The following GAA variants were observed in gnomAD, a reference collection of about 807,000 sequenced individuals.
The protein encoded by GAA is alpha glucosidase.
A neutral mutation model predicts 103.9 loss-of-function variants in GAA; 88 were observed. The ratio of observed to expected loss-of-function variants is 0.85; its 90% CI spans 0.71 to 1.01. The LOEUF is 1.01. GAA is among the 50% of genes least tolerant of loss of function. The pLI is 0.00. For synonymous variants in GAA, 572 were observed against 563.1 expected (o/e 1.02, Z -0.22); for missense variants, 1,350 against 1,305.3 (o/e 1.03, Z -0.53).
chr17:80,114,575 C>T (rs527826067), intron 15 of GAA, among the ~76,000 whole-genome samples: 3 of 152,224 alleles, frequency 2.0e-5, no homozygotes, highest in South Asian at 2.1e-4. Flanking sequence ...TGCTGTTACA[C>T]GTCTGTATCC....
chr17:80,103,967 A>G (rs191776245), intron 1 of GAA, among the ~76,000 whole-genome samples: 3 of 152,298 alleles, frequency 2.0e-5, no homozygotes, highest in Non-Finnish European at 4.4e-5. Flanking sequence ...CCGCACCTTT[A>G]TGCAGAAGTG....
intron 8 of GAA, among the ~76,000 whole-genome samples, chr17:80,109,365 C>T (rs1420625656): frequency 6.6e-6 from 1 of 152,248 alleles, no homozygotes; most frequent in Non-Finnish European, 1.5e-5. Context: ...AGAGGCCCTT[C>T]CCTGAGCCAG....
intron 17 of GAA, 103 bp downstream of exon 17, chr17:80,117,852 G>A (rs994204256): frequency 1.6e-5 from 19 of 1,220,754 alleles, no homozygotes; most frequent in Middle Eastern, 2.8e-4. Flanking sequence ...GGGCTTCTGA[G>A]GGGCCGCCCC....
In GAA at chr17:80,119,682, G is replaced by T. The variant is rs1306657352; in HGVS notation, c.*351G>T. 4 of 357,876 alleles carry T rather than the reference G, an allele frequency of 1.1e-5. No individual in the cohort carries two copies. The highest frequency in any genetic ancestry group is 2.2e-5 in the Non-Finnish European group (4 of 183,474). The allele number at this position is 357,876 out of a possible 1,614,324, so 22.2% of individuals were successfully genotyped here. On this transcript the variant is annotated 3_prime_UTR_variant, in exon 20 of 20. Coordinates refer to ENST00000302262, the MANE Select transcript of GAA (RefSeq NM_000152.5). The stretch of plus-strand genomic sequence containing the variant: ...CCAGCACCGGAGAAGGGGGTGCTCA[G>T]GTGGAGGTGTGGGGTATGCACCTGA...
rs1005312609 is a variant in GAA at position 80,101,631 on chromosome 17, C to G, written c.-292C>G. On this transcript the variant is annotated 5_prime_UTR_variant, in exon 1 of 20. Transcript: ENST00000302262. ...CAGGGCGCGCGTGCGCGGAGGTGAG[C>G]CGGGCCGGGGCTGCGGGGCTTCCCT... 6.6e-6 allele frequency: 1 copy of G among 151,400 alleles called. No individual in the cohort carries two copies. The highest frequency in any genetic ancestry group is 1.9e-4 in the East Asian group (1 of 5,178). The allele number at this position is 151,400 out of a possible 1,614,324, so 9.4% of individuals were successfully genotyped here. A position where few individuals can be genotyped will look rare whatever the true frequency, so the allele number is the denominator to read the frequency against.
rs199748889 is a variant in GAA, at chr17:80,110,005, C to T, written c.1387C>T (p.Arg463Trp). The T allele has an allele frequency of 8.7e-6, 14 of 1,613,124 alleles. No homozygotes were observed. Among genetic ancestry groups the T allele is most frequent in the African/African-American group, 1.3e-5 (1 of 75,040 alleles). The part of the protein sequence containing the change: ...GSYRPYDEGL[R>W]RGVFITNETG... ...CTACAGGCCCTACGACGAGGGTCTG[C>T]GGAGGGGGGTTTTCATCACCAACGA... Residue 463 changes from arginine (R) to tryptophan (W), a missense_variant, in exon 9 of 20, where the codon CGG (arginine) becomes TGG (tryptophan). Arg to Trp is a moderately radical substitution (Grantham distance 101, BLOSUM62 -3). Transcript: ENST00000302262.
intron 18 of GAA, 139 bp from the exon 19 acceptor site, chr17:80,118,514 C>G: frequency 7.3e-7 from 1 of 1,377,352 alleles, no homozygotes; most frequent in Non-Finnish European, 1.0e-6. Context: ...GGGCCGTGCA[C>G]TCTGCCCTTT....
At chr17:80,115,342 T>C (rs1049348473) in intron 15 of GAA, among the ~76,000 whole-genome samples, 1 of 152,134 alleles carries the variant, frequency 6.6e-6, no homozygotes, top group African/African-American at 2.4e-5. Flanking sequence ...TTCCACCAGT[T>C]CTCATCTGCT....
At chr17:80,113,537 A>G (rs1014779368) in intron 15 of GAA, among the ~76,000 whole-genome samples, 171 bp downstream of exon 15, 2 of 152,180 alleles carry the variant, frequency 1.3e-5, no homozygotes, top group African/African-American at 4.8e-5. Context: ...AAGAAAACCC[A>G]GTAATATCCC....
rs542346704 is a variant in GAA, at chr17:80,109,099, G to A, written c.1326+271G>A. Among the ~76,000 whole-genome samples, 55 of 152,322 alleles carry A rather than the reference G, an allele frequency of 3.6e-4. No homozygotes were observed. In the South Asian group the frequency reaches 6.4e-3, roughly 18 times the overall value. ...ACTGCCTTAAAGCAAAAGGCCAGGG[G>A]CATGATAAACTGATGTCACCTGGTC... On this transcript the variant is annotated intron_variant, in intron 8 of 19. Coordinates refer to ENST00000302262, the MANE Select transcript of GAA (RefSeq NM_000152.5).
rs775612060 is a variant in GAA at position 80,109,954 on chromosome 17, A to G, written c.1336A>G (p.Ile446Val). Residue 446 changes from isoleucine (I) to valine (V), a missense_variant, in exon 9 of 20, where the codon ATC becomes GTC. By Grantham distance (29) the Ile-to-Val change is conservative. Transcript: ENST00000302262. ...GTTTCCCTCTTCCCAGGATCCTGCC[A>G]TCAGCAGCTCGGGCCCTGCCGGGAG... is the stretch of plus-strand genomic sequence containing the variant. ...RRYMMIVDPA[I>V]SSSGPAGSYR... The G allele has an allele frequency of 6.2e-7, 1 of 1,613,224 alleles. No individual in the cohort carries two copies. Among genetic ancestry groups the G allele is most frequent in the Non-Finnish European group, 8.5e-7 (1 of 1,179,800 alleles).
chr17:80,114,050 T>G (rs1598587852), intron 15 of GAA, among the ~76,000 whole-genome samples: 1 of 97,798 alleles, frequency 1.0e-5, no homozygotes, highest in Non-Finnish European at 2.1e-5. Context: ...CAGGAAAAGA[T>G]AAGTGAATGT....
In GAA at chr17:80,113,319, C is replaced by T. The variant is rs779462990; in HGVS notation, c.2142C>T (p.His714=). The T allele has an allele frequency of 1.9e-5, 30 of 1,599,216 alleles. No homozygotes were observed. The highest frequency in any genetic ancestry group is 1.8e-5 in the Non-Finnish European group (21 of 1,173,094). Reference sequence around the variant, plus strand: ...TCCCCCACCTCTACACACTGTTCCACCAGGCCCACGTCGCGGGGGAGACCG... The same window carrying T: ...TCCCCCACCTCTACACACTGTTCCATCAGGCCCACGTCGCGGGGGAGACCG... ...ALLPHLYTLF[H]QAHVAGETVA... is the part of the protein sequence containing the mutation. The change falls in exon 15 of 20, where the codon CAC becomes CAT. Residue 714 remains histidine (H), a synonymous_variant. Transcript: ENST00000302262.
chr17:80,110,070 C>T lies in GAA; in HGVS notation c.1437+15C>T, dbSNP rs2143867420. The T allele has an allele frequency of 6.9e-6, 11 of 1,603,756 alleles. No individual in the cohort carries two copies. The highest frequency in any genetic ancestry group is 1.7e-5 in the Admixed American group (1 of 59,990). ...TGATTGGGAAGGTAGGGCGAGGGTC[C>T]AGGGGACGGGGGTTAGAAAGCAGAG... On this transcript the variant is annotated intron_variant, in intron 9 of 19. Coordinates refer to ENST00000302262, the MANE Select transcript of GAA (RefSeq NM_000152.5).
Position 80,112,628 on chromosome 17 carries a change from C to T in GAA, c.1805C>T (p.Thr602Ile). 6.2e-7 allele frequency: 1 copy of T among 1,613,030 alleles called. No homozygotes were observed. Among genetic ancestry groups the T allele is most frequent in the Non-Finnish European group, 8.5e-7 (1 of 1,179,978 alleles). The change falls in exon 13 of 20, where the codon ACC becomes ATC. Residue 602 changes from threonine to isoleucine, a missense_variant. Transcript: ENST00000302262. ...CGCCCATTTGTGATCTCCCGCTCGA[C>T]CTTTGCTGGCCACGGCCGATACGCC... ...GTRPFVISRSTFAGHGRYAGH... is the reference protein window; with the variant it reads ...GTRPFVISRSIFAGHGRYAGH...
Position 80,119,373 on chromosome 17 carries a change from C to T in GAA, c.*42C>T. 1.9e-6 allele frequency: 3 copies of T among 1,557,994 alleles called. No homozygotes were observed. Among genetic ancestry groups the T allele is most frequent in the Non-Finnish European group, 2.7e-6 (3 of 1,129,232 alleles). ...AGTCTCTCCAGAGGGAGGCTGGTTC[C>T]CCAGGGAAGCAGAGCCTGTGTGCGG... On this transcript the variant is annotated 3_prime_UTR_variant, in exon 20 of 20. Transcript: ENST00000302262.
chr17:80,113,464 G>A lies in GAA; in HGVS notation c.2189+98G>A, dbSNP rs895669900. 1.9e-5 allele frequency: 23 copies of A among 1,188,584 alleles called. No homozygotes were observed. In the African/African-American group the frequency reaches 3.1e-4, roughly 16 times the overall value. The allele number at this position is 1,188,584 out of a possible 1,614,324, so 73.6% of individuals were successfully genotyped here. A position where few individuals can be genotyped will look rare whatever the true frequency, so the allele number is the denominator to read the frequency against. On this transcript the variant is annotated intron_variant, in intron 15 of 19. Transcript: ENST00000302262. ...GTCCTGCTGTGGGCTGTGTTCCCCA[G>A]GACCCAGCAGGTTGCCGCTGAGTGA...
Position 80,107,866 on chromosome 17 carries a change from G to T in GAA, c.925G>T (p.Gly309Trp). ...GCTGGAGGACGGCGGGTCGGCACAC[G>T]GGGTGTTCCTGCTAAACAGCAATGC... is the stretch of plus-strand genomic sequence containing the variant. ...LALEDGGSAHGVFLLNSNAMD... is the reference protein window; with the variant it reads ...LALEDGGSAHWVFLLNSNAMD... Residue 309 changes from glycine to tryptophan, a missense_variant, in exon 5 of 20, where the codon GGG becomes TGG. Physicochemically the swap from Gly to Trp is radical, Grantham distance 184. Coordinates refer to ENST00000302262, the MANE Select transcript of GAA (RefSeq NM_000152.5). 6.2e-7 allele frequency: 1 copy of T among 1,611,604 alleles called. No individual in the cohort carries two copies. The highest frequency in any genetic ancestry group is 8.5e-7 in the Non-Finnish European group (1 of 1,179,698).
intron 2 of GAA, among the ~76,000 whole-genome samples, 162 bp from the exon 3 acceptor site, chr17:80,105,587 C>G (rs2039063593): frequency 1.3e-5 from 2 of 152,370 alleles, no homozygotes; most frequent in East Asian, 3.9e-4. Flanking sequence ...CCTCCTGGCT[C>G]TGCAGATGAG....
Sources: gnomAD v4.1 joint callset for allele counts (sites outside exome capture counted in the v4.1 genomes callset) on GRCh38, gnomAD v4.1.1 for gene constraint, MANE v1.5 for transcripts, NCBI Gene and HGNC (gene_info 2026-07-23, HGNC 2026-07-21) for gene names.